TBC1D31: variants seen among roughly 807,000 people sequenced by gnomAD.
TBC1D31 encodes TBC1 domain family member 31.
Under a neutral mutation model 132.9 loss-of-function variants are expected in TBC1D31, and 99 were observed. The observed-to-expected ratio is 0.74, with a 90% confidence interval of 0.63 to 0.88. TBC1D31 has a LOEUF of 0.88. TBC1D31 is among the 40% of genes least tolerant of loss of function. The pLI is 0.00. For missense variants in TBC1D31, 1,134 were observed against 1,256.6 expected (o/e 0.90, Z 1.48); for synonymous variants, 385 against 419.4 (o/e 0.92, Z 1.00).
At chr8:123,157,174 C>T in the TBC1D31 span, among the ~76,000 whole-genome samples, 2 of 152,196 alleles carry the variant, frequency 1.3e-5, no homozygotes, top group Non-Finnish European at 2.9e-5. Flanking sequence ...CGGACTTTGA[C>T]AAGCAAACAA....
chr8:123,074,080 C>T (rs1397105478), intron 1 of TBC1D31, among the ~76,000 whole-genome samples: 3 of 144,476 alleles, frequency 2.1e-5, no homozygotes, highest in African/African-American at 7.7e-5. Flanking sequence ...TGCCCAGGGT[C>T]GGATGCAGTG....
intron 4 of TBC1D31, among the ~76,000 whole-genome samples, chr8:123,085,483 G>T (rs2129932041): frequency 6.6e-6 from 1 of 152,138 alleles, no homozygotes; most frequent in East Asian, 1.9e-4. Context: ...TGCCCAGGCT[G>T]GAGTGCAGTG....
At chr8:123,074,455 T>A (rs1586528300) in intron 1 of TBC1D31, among the ~76,000 whole-genome samples, 1 of 152,134 alleles carries the variant, frequency 6.6e-6, no homozygotes, top group Non-Finnish European at 1.5e-5. Context: ...GAATAAAAAA[T>A]TTTCTCTAAA....
chr8:123,140,921 A>G lies in TBC1D31; in HGVS notation c.2640+20A>G. Reference sequence around the variant, plus strand: ...CAGAAGGTAAAAATATGATCCATTTAGTATACATGCAGAGGAGAAATTTTC... The same window carrying G: ...CAGAAGGTAAAAATATGATCCATTTGGTATACATGCAGAGGAGAAATTTTC... On this transcript the variant is annotated intron_variant, in intron 18 of 21. Transcript: ENST00000287380. 6.2e-7 allele frequency: 1 copy of G among 1,610,116 alleles called. No individual in the cohort carries two copies. The highest frequency in any genetic ancestry group is 8.5e-7 in the Non-Finnish European group (1 of 1,178,306).
intron 2 of TBC1D31, 23 bp from the exon 3 acceptor site, chr8:123,082,679 C>A: frequency 6.7e-7 from 1 of 1,493,466 alleles, no homozygotes; most frequent in Non-Finnish European, 9.2e-7. Flanking sequence ...ATTTGTGATA[C>A]TAATGCAATG....
In TBC1D31 at chr8:123,090,145, C is replaced by G. The variant is rs374585474; in HGVS notation, c.520-3446C>G. Among the ~76,000 whole-genome samples the G allele has an allele frequency of 3.3e-5, 5 of 152,174 alleles. No homozygotes were observed. In the East Asian group the frequency reaches 5.8e-4, roughly 18 times the overall value. On this transcript the variant is annotated intron_variant, in intron 4 of 21. Transcript: ENST00000287380. ...CCGTTATTTAGTATGTTCCATGAAC[C>G]TTCATTTTAAATAGTTATTTTAAAG...
rs370864005 is a variant in TBC1D31 at position 123,077,283 on chromosome 8, G to T, written c.224+26G>T. On this transcript the variant is annotated intron_variant, in intron 2 of 21. Coordinates refer to ENST00000287380, the MANE Select transcript of TBC1D31 (RefSeq NM_145647.4). Reference sequence around the variant, plus strand: ...GTAAGCAGATACCATTGATATCTACGTTCTTTAACAAGTTATTAATTCACT... The same window carrying T: ...GTAAGCAGATACCATTGATATCTACTTTCTTTAACAAGTTATTAATTCACT... 3 of 1,566,364 alleles carry T rather than the reference G, an allele frequency of 1.9e-6. No individual in the cohort carries two copies. In the East Asian group the frequency reaches 6.9e-5, roughly 36 times the overall value.
At chr8:123,141,844 C>CCT (rs1821722602) in intron 18 of TBC1D31, among the ~76,000 whole-genome samples, 1 of 52,040 alleles carries the variant, frequency 1.9e-5, no homozygotes, top group Non-Finnish European at 3.4e-5. Context: ...TTGAAGAGCT[C>CCT]TTTTTTTTTT....
At position 123,126,773 on chromosome 8, in the gene TBC1D31, G is replaced by A. The variant is rs34125549; in HGVS notation, c.1884+86G>A. 10,440 of 1,261,148 alleles carry A rather than the reference G, an allele frequency of 8.3e-3. 61 individuals are homozygous for A. The highest frequency in any genetic ancestry group is 9.7e-3 in the Non-Finnish European group (8,952 of 919,820). The allele number at this position is 1,261,148 out of a possible 1,614,324, so 78.1% of individuals were successfully genotyped here. ...TTTTAATTTTTTGAGACAGAGTCTC[G>A]CTATGTTGCCCAGGCTGGAGTGCAA... On this transcript the variant is annotated intron_variant, in intron 13 of 21. Coordinates refer to ENST00000287380, the MANE Select transcript of TBC1D31 (RefSeq NM_145647.4).
chr8:123,095,470 T>C (rs1816756225), intron 5 of TBC1D31, among the ~76,000 whole-genome samples: 1 of 152,252 alleles, frequency 6.6e-6, no homozygotes, highest in Non-Finnish European at 1.5e-5. Flanking sequence ...TCTTTTTTCT[T>C]AAACTAGTTT....
At chr8:123,150,215 C>T (rs1817524003) in intron 21 of TBC1D31, 87 bp downstream of exon 21, 1 of 955,008 alleles carries the variant, frequency 1.0e-6, no homozygotes, top group South Asian at 1.4e-5. Flanking sequence ...ATATTTATAG[C>T]ATGTGGACGC....
intron 11 of TBC1D31, among the ~76,000 whole-genome samples, chr8:123,122,451 T>C (rs1010370100): frequency 1.6e-4 from 24 of 152,314 alleles, no homozygotes; most frequent in Admixed American, 6.5e-4. Flanking sequence ...AGGACAGTTA[T>C]TGTATGATTT....
intron 20 of TBC1D31, 71 bp from the exon 21 acceptor site, chr8:123,149,965 G>C (rs528690309): frequency 9.3e-7 from 1 of 1,070,342 alleles, no homozygotes; most frequent in East Asian, 2.4e-5. Context: ...ACTTACTAGG[G>C]ACCATTTGGA....
chr8:123,135,758 A>G (rs564608810), intron 17 of TBC1D31, among the ~76,000 whole-genome samples: 19 of 152,366 alleles, frequency 1.2e-4, no homozygotes, highest in Admixed American at 6.5e-4. Context: ...TCTAGAACAG[A>G]GCAAGGGATT....
the TBC1D31 span, among the ~76,000 whole-genome samples, chr8:123,158,749 G>A: frequency 6.6e-6 from 1 of 152,180 alleles, no homozygotes; most frequent in East Asian, 1.9e-4. Flanking sequence ...CTGAGGATAG[G>A]CGAAGAGGAA....
At chr8:123,101,215 G>T in intron 7 of TBC1D31, 1 of 456,052 alleles carries the variant, frequency 2.2e-6, no homozygotes, top group Non-Finnish European at 4.0e-6. Context: ...CTTCCTGAGG[G>T]ACATCTCCGT....
chr8:123,139,086 G>A (rs115233861), intron 17 of TBC1D31, among the ~76,000 whole-genome samples: 1,569 of 148,658 alleles, frequency 0.011, 27 homozygotes, highest in African/African-American at 0.037. Context: ...GGGATTATAC[G>A]TATAAGCCAC....
chr8:123,082,454 C>G (rs1184595963), intron 2 of TBC1D31: 4 of 388,788 alleles, frequency 1.0e-5, no homozygotes, highest in Admixed American at 4.4e-5. Flanking sequence ...GCCATTGCTG[C>G]CAGGATCGTC....
chr8:123,109,768 T>C, intron 10 of TBC1D31, 148 bp downstream of exon 10: 1 of 685,376 alleles, frequency 1.5e-6, no homozygotes, highest in Non-Finnish European at 2.4e-6. Context: ...TACATGCACA[T>C]ATATTACATG....
Sources: gnomAD v4.1 joint callset for allele counts (sites outside exome capture counted in the v4.1 genomes callset) on GRCh38, gnomAD v4.1.1 for gene constraint, MANE v1.5 for transcripts, NCBI Gene and HGNC (gene_info 2026-07-23, HGNC 2026-07-21) for gene names.